RBFOX1: variants seen among roughly 807,000 people sequenced by gnomAD.
RBFOX1 encodes RNA binding protein fox-1 homolog 1.
In RBFOX1, 8 loss-of-function variants were observed where a neutral mutation model predicts 57.7. That is an observed-to-expected ratio of 0.14 (90% CI 0.08 to 0.25). The LOEUF (loss-of-function observed/expected upper bound fraction) is 0.25, where lower values mean the gene tolerates loss of function less well. Ranked by LOEUF, RBFOX1 falls within the 10% of genes least tolerant of loss-of-function variation. RBFOX1 has a pLI of 1.00. For missense variants in RBFOX1, 611 were observed against 548.5 expected (o/e 1.11, Z -1.14); for synonymous variants, 326 against 222.4 (o/e 1.47, Z -4.15).
chr16:7,117,274 C>G (rs1002918004), intron 4 of RBFOX1, among the ~76,000 whole-genome samples: 1 of 152,036 alleles, frequency 6.6e-6, no homozygotes, highest in East Asian at 1.9e-4. Context: ...GTACGAACAG[C>G]CTAGCTTATA....
At chr16:6,309,658 G>A (rs538259195) in intron 1 of RBFOX1, among the ~76,000 whole-genome samples, 2 of 152,102 alleles carry the variant, frequency 1.3e-5, no homozygotes, top group South Asian at 2.1e-4. Context: ...CTCAAAGGGA[G>A]GCGGTGTGTG....
At chr16:6,957,295 C>G (rs28736283) in intron 3 of RBFOX1, among the ~76,000 whole-genome samples, 66,010 of 151,280 alleles carry the variant, frequency 0.44, 14,997 homozygotes, top group South Asian at 0.56. Flanking sequence ...CTGCGCCAGG[C>G]TAATTTTTTG....
chr16:7,197,197 G>C (rs1184675963), intron 4 of RBFOX1, among the ~76,000 whole-genome samples: 2 of 152,102 alleles, frequency 1.3e-5, no homozygotes, highest in African/African-American at 2.4e-5. Flanking sequence ...TACAGATGTG[G>C]CTCTTCCAAG....
intron 1 of RBFOX1, among the ~76,000 whole-genome samples, chr16:6,285,548 G>A (rs1468630342): frequency 6.6e-6 from 1 of 152,152 alleles, no homozygotes; most frequent in African/African-American, 2.4e-5. Context: ...AAGGAGAGAC[G>A]TGGCTGTTTC....
rs140092603 is a variant in RBFOX1, at chr16:6,236,535, A to G, written c.-126-80460A>G. Among the ~76,000 whole-genome samples, 115 of 152,152 alleles carry G rather than the reference A, an allele frequency of 7.6e-4. 1 individual carries two copies. Among genetic ancestry groups the G allele is most frequent in the African/African-American group, 2.7e-3 (114 of 41,502 alleles). ...CTGCAACCTCTGTCTCCTGGGTTCA[A>G]GTGACTCCCCTGCCTCAGTCACCCA... On this transcript the variant is annotated intron_variant, in intron 1 of 15. Coordinates refer to ENST00000550418, the MANE Select transcript of RBFOX1 (RefSeq NM_018723.4).
At chr16:7,404,099 C>T (rs1009238477) in intron 4 of RBFOX1, among the ~76,000 whole-genome samples, 1 of 138,786 alleles carries the variant, frequency 7.2e-6, no homozygotes, top group Admixed American at 7.4e-5. Flanking sequence ...GTCACCCAGG[C>T]TAGAGTGCAG....
At chr16:5,823,484 G>A (rs2055927574) in intron 3 of RBFOX1, among the ~76,000 whole-genome samples, 1 of 152,116 alleles carries the variant, frequency 6.6e-6, no homozygotes, top group Non-Finnish European at 1.5e-5. Context: ...TGCCCTCTAT[G>A]GCTGGGGTCC....
At chr16:6,904,596 C>G (rs141396114) in intron 3 of RBFOX1, among the ~76,000 whole-genome samples, 3,339 of 78,704 alleles carry the variant, frequency 0.042, 164 homozygotes, top group African/African-American at 0.14. Context: ...GTGAGACTCT[C>G]TCTAAAAAAA....
At chr16:7,198,645 G>A (rs770131410) in intron 4 of RBFOX1, among the ~76,000 whole-genome samples, 11 of 152,156 alleles carry the variant, frequency 7.2e-5, no homozygotes, top group African/African-American at 2.4e-4. Flanking sequence ...CCATCACATG[G>A]TGGAAGGGCA....
intron 4 of RBFOX1, among the ~76,000 whole-genome samples, chr16:5,911,158 T>A (rs147447177): frequency 8.7e-4 from 133 of 152,314 alleles, no homozygotes; most frequent in African/African-American, 3.1e-3. Flanking sequence ...TTGGCAGACA[T>A]AGGTCCTACC....
intron 11 of RBFOX1, among the ~76,000 whole-genome samples, chr16:7,637,161 C>T (rs2061901537): frequency 6.6e-6 from 1 of 151,900 alleles, no homozygotes; most frequent in Admixed American, 6.6e-5. Flanking sequence ...TTCCACAGTT[C>T]CATGAAAGCC....
intron 1 of RBFOX1, among the ~76,000 whole-genome samples, chr16:6,131,948 G>A (rs1040639121): frequency 1.3e-5 from 2 of 152,200 alleles, no homozygotes; most frequent in African/African-American, 4.8e-5. Flanking sequence ...TGACACTTAA[G>A]AAGCTTTGCT....
intron 3 of RBFOX1, among the ~76,000 whole-genome samples, chr16:5,841,476 C>A (rs567580423): frequency 6.6e-6 from 1 of 152,268 alleles, no homozygotes; most frequent in African/African-American, 2.4e-5. Context: ...GTCCCTCCCA[C>A]AAAAAATTGC....
intron 2 of RBFOX1, among the ~76,000 whole-genome samples, chr16:6,619,309 G>A (rs544845300): frequency 6.6e-6 from 1 of 151,982 alleles, no homozygotes; most frequent in Non-Finnish European, 1.5e-5. Flanking sequence ...TATAACTCTC[G>A]TTTGCATATC....
chr16:5,521,284 C>T (rs2044003061), intron 2 of RBFOX1, among the ~76,000 whole-genome samples: 1 of 151,418 alleles, frequency 6.6e-6, no homozygotes, highest in African/African-American at 2.4e-5. Flanking sequence ...TCAAGGGAGG[C>T]CCCTCAAGTT....
At chr16:6,857,702 T>C (rs1292454726) in intron 3 of RBFOX1, among the ~76,000 whole-genome samples, 1 of 152,146 alleles carries the variant, frequency 6.6e-6, no homozygotes, top group Non-Finnish European at 1.5e-5. Context: ...GTGTATCAGT[T>C]GTTCATGATT....
At chr16:6,579,686 T>G (rs1487977783) in intron 2 of RBFOX1, among the ~76,000 whole-genome samples, 1 of 152,152 alleles carries the variant, frequency 6.6e-6, no homozygotes, top group African/African-American at 2.4e-5. Flanking sequence ...CTCTTTCCTT[T>G]ATAAACACTA....
rs1567787840 is a variant in RBFOX1 at position 6,256,181 on chromosome 16, A to ATATATATGTATATG, written c.-126-60810_-126-60809insTATGTATATGTATA. Among the ~76,000 whole-genome samples the ATATATATGTATATG allele has an allele frequency of 3.6e-4, 12 of 33,374 alleles. No individual in the cohort carries two copies. The East Asian group carries it at 0.017, about 47-fold the overall frequency. The allele number at this position is 33,374 out of a possible 152,430, so 21.9% of individuals were successfully genotyped here. A position where few individuals can be genotyped will look rare whatever the true frequency, so the allele number is the denominator to read the frequency against. On this transcript the variant is annotated intron_variant, in intron 1 of 15. Transcript: ENST00000550418. ...TATGTATATATATATGTATATATATATATACGTATATATATGTATATGTAT... is the reference window on the plus strand; with the variant it reads ...TATGTATATATATATGTATATATATATATATATGTATATGTATACGTATATATATGTATATGTAT...
At chr16:7,043,388 C>T (rs1181550664) in intron 3 of RBFOX1, among the ~76,000 whole-genome samples, 1 of 152,078 alleles carries the variant, frequency 6.6e-6, no homozygotes. Context: ...TTCATTAGCA[C>T]AGCGCTAGGC....
Sources: allele counts gnomAD v4.1 joint callset (sites outside exome capture counted in the v4.1 genomes callset), GRCh38; gene constraint gnomAD v4.1.1; transcripts MANE v1.5; gene names NCBI Gene and HGNC (gene_info 2026-07-23, HGNC 2026-07-21).